Variants in HCRTR2 observed in about 807,000 individuals in gnomAD.
The protein encoded by HCRTR2 is hypocretin receptor 2.
HCRTR2 carries 22 observed loss-of-function variants against 49.0 expected under a neutral mutation model. The ratio of observed to expected loss-of-function variants is 0.45; its 90% CI spans 0.32 to 0.64. The LOEUF (loss-of-function observed/expected upper bound fraction) is 0.64. HCRTR2 is among the 30% of genes least tolerant of loss of function. The pLI is 0.04. For synonymous variants in HCRTR2, 236 were observed against 205.3 expected, an observed-to-expected ratio of 1.15 and a Z score of -1.28; for missense variants, 491 against 559.4, an observed-to-expected ratio of 0.88 and a Z score of 1.23.
chr6:55,137,904 A>G (rs1374072955), intron 1 of HCRTR2, among the ~76,000 whole-genome samples: 1 of 152,210 alleles, frequency 6.6e-6, no homozygotes, highest in Non-Finnish European at 1.5e-5. Context: ...TTCATGACAC[A>G]CAGGAACCAC....
chr6:55,212,101 A>T (rs1297447586), intron 1 of HCRTR2, among the ~76,000 whole-genome samples: 1 of 152,228 alleles, frequency 6.6e-6, no homozygotes, highest in Non-Finnish European at 1.5e-5. Flanking sequence ...TCTCAAGATC[A>T]TGCTGAAAAG....
At chr6:55,238,455 A>C (rs1460090105) in intron 1 of HCRTR2, among the ~76,000 whole-genome samples, 1 of 152,192 alleles carries the variant, frequency 6.6e-6, no homozygotes, top group Non-Finnish European at 1.5e-5. Context: ...TAGTAGTAAG[A>C]TATTGCCATT....
intron 2 of HCRTR2, among the ~76,000 whole-genome samples, chr6:55,251,401 T>C (rs2127314242): frequency 6.6e-6 from 1 of 152,268 alleles, no homozygotes; most frequent in Admixed American, 6.5e-5. Context: ...CTTTTGTATC[T>C]TTAATAATTG....
upstream of HCRTR2, among the ~76,000 whole-genome samples, chr6:55,173,228 G>A (rs1021480164): frequency 2.6e-5 from 4 of 152,270 alleles, no homozygotes; most frequent in South Asian, 2.1e-4. Flanking sequence ...AAGACAAATC[G>A]TGGCTTGAGA....
At chr6:55,202,929 A>G (rs191722425) in intron 1 of HCRTR2, among the ~76,000 whole-genome samples, 1 of 152,342 alleles carries the variant, frequency 6.6e-6, no homozygotes, top group East Asian at 1.9e-4. Context: ...AAGCTTCAGC[A>G]GCTCCAATTT....
chr6:55,121,920 CT>C (rs1764205705), intron 1 of HCRTR2, among the ~76,000 whole-genome samples: 1 of 151,080 alleles, frequency 6.6e-6, no homozygotes, highest in African/African-American at 2.5e-5. Flanking sequence ...TTCTAAAATT[CT>C]CTTTTTTGTT....
At position 55,187,594 on chromosome 6, in the gene HCRTR2, C is replaced by T. The variant is rs117730560; in HGVS notation, c.223+12784C>T. Among the ~76,000 whole-genome samples the T allele has an allele frequency of 2.1e-4, 32 of 151,142 alleles. No homozygotes were observed. The East Asian group carries it at 6.2e-3, about 29-fold the overall frequency. ...GGCTTCTTGGAGTTGTTACATTTCC[C>T]TTATTACATAACTCTTCAATAAAAG... is the stretch of plus-strand genomic sequence containing the variant. On this transcript the variant is annotated intron_variant, in intron 1 of 6. Transcript: ENST00000370862.
chr6:55,206,648 C>T, intron 1 of HCRTR2, among the ~76,000 whole-genome samples: 1 of 151,798 alleles, frequency 6.6e-6, no homozygotes. Context: ...AGAATTAAGG[C>T]TTATGTTCTT....
intron 4 of HCRTR2, among the ~76,000 whole-genome samples, chr6:55,264,764 C>T (rs903255319): frequency 3.3e-5 from 5 of 152,058 alleles, no homozygotes; most frequent in African/African-American, 1.2e-4. Context: ...AGATGTATTT[C>T]TCTCGTTCTC....
At chr6:55,138,139 A>G (rs996082164) in intron 1 of HCRTR2, among the ~76,000 whole-genome samples, 1 of 152,232 alleles carries the variant, frequency 6.6e-6, no homozygotes, top group African/African-American at 2.4e-5. Context: ...CAAATAAACC[A>G]TGTATTCAGT....
rs573858868 is a variant in HCRTR2, at chr6:55,282,189, A to G, written c.1106-36A>G. 8.3e-6 allele frequency: 12 copies of G among 1,453,000 alleles called. No individual in the cohort carries two copies. In the Admixed American group the frequency reaches 1.2e-4, roughly 15 times the overall value. The allele number at this position is 1,453,000 out of a possible 1,614,324, so 90.0% of individuals were successfully genotyped here. Reference sequence around the variant, plus strand: ...TCATAATTTGTTGAAGCATTTATGTATAATTCCTTTTCCTTTCATTCTCTC... The same window carrying G: ...TCATAATTTGTTGAAGCATTTATGTGTAATTCCTTTTCCTTTCATTCTCTC... On this transcript the variant is annotated intron_variant, in intron 6 of 6. Coordinates refer to ENST00000370862, the MANE Select transcript of HCRTR2 (RefSeq NM_001384272.1).
At chr6:55,106,886 G>A (rs1370870549) in intron 1 of HCRTR2, among the ~76,000 whole-genome samples, 3 of 151,984 alleles carry the variant, frequency 2.0e-5, no homozygotes, top group African/African-American at 4.8e-5. Flanking sequence ...GCTGTAAAGG[G>A]GCCTGTGTTT....
chr6:55,128,864 GATC>G (rs1764316648), intron 1 of HCRTR2, among the ~76,000 whole-genome samples: 1 of 152,040 alleles, frequency 6.6e-6, no homozygotes. Flanking sequence ...ATAATAACAT[GATC>G]ATGAAGAGAT....
intron 1 of HCRTR2, among the ~76,000 whole-genome samples, chr6:55,245,387 G>GTATA (rs1270944319): frequency 1.8e-5 from 2 of 111,334 alleles, no homozygotes; most frequent in African/African-American, 7.3e-5. Context: ...ATATATATAT[G>GTATA]TATATATATA....
At chr6:55,137,419 G>A (rs1764447840) in intron 1 of HCRTR2, among the ~76,000 whole-genome samples, 1 of 152,102 alleles carries the variant, frequency 6.6e-6, no homozygotes, top group African/African-American at 2.4e-5. Context: ...TGTCAAAAAA[G>A]AGAGAAAAAA....
At chr6:55,222,996 G>T (rs1265157198) in intron 1 of HCRTR2, among the ~76,000 whole-genome samples, 1 of 152,122 alleles carries the variant, frequency 6.6e-6, no homozygotes, top group Non-Finnish European at 1.5e-5. Flanking sequence ...AGTGACACGA[G>T]TTCAAATAAA....
rs531430268 is a variant in HCRTR2 at position 55,218,254 on chromosome 6, A to G, written c.224-30385A>G. ...CTGTTACATTGGGGATGAAGTTTCA[A>G]TATGGGTTTCAGAGGAGACAAACAT... On this transcript the variant is annotated intron_variant, in intron 1 of 6. Transcript: ENST00000370862. Among the ~76,000 whole-genome samples the G allele has an allele frequency of 6.6e-5, 10 of 152,332 alleles. No individual in the cohort carries two copies. The South Asian group carries it at 1.7e-3, about 25-fold the overall frequency.
At chr6:55,174,502 A>T, upstream of HCRTR2, 1 of 1,137,710 alleles carries the variant, frequency 8.8e-7, no homozygotes, top group East Asian at 2.4e-5. Context: ...CTCTCCGCGC[A>T]GCCTTTCCCA....
chr6:55,152,627 G>C (rs1469531628), intron 1 of HCRTR2, among the ~76,000 whole-genome samples: 1 of 151,938 alleles, frequency 6.6e-6, no homozygotes, highest in Non-Finnish European at 1.5e-5. Context: ...CAATATGGTA[G>C]GTTTGGTGAG....
Sources: gnomAD v4.1 joint callset for allele counts (sites outside exome capture counted in the v4.1 genomes callset) on GRCh38, gnomAD v4.1.1 for gene constraint, MANE v1.5 for transcripts, NCBI Gene and HGNC (gene_info 2026-07-23, HGNC 2026-07-21) for gene names.